The following ITPR1 variants were observed in gnomAD, a reference collection of about 807,000 sequenced individuals.
The protein encoded by ITPR1 is inositol 1,4,5-trisphosphate-gated calcium channel ITPR1.
In ITPR1, 96 loss-of-function variants were observed where a neutral mutation model predicts 318.4. The observed-to-expected ratio is 0.30, with a 90% CI of 0.26 to 0.36. The LOEUF (loss-of-function observed/expected upper bound fraction) is 0.36. ITPR1 is among the 10% of genes least tolerant of loss of function. The probability of loss-of-function intolerance (pLI) is 1.00; values close to 1 mark genes in which losing one functional copy is unlikely to be tolerated. For synonymous variants in ITPR1, 1,312 were observed against 1,289.9 expected (o/e 1.02, Z -0.37); for missense variants, 2,440 against 3,460.2 (o/e 0.71, Z 7.40).
intron 4 of ITPR1, among the ~76,000 whole-genome samples, chr3:4,608,869 G>A (rs1462524848): frequency 6.6e-6 from 1 of 151,280 alleles, no homozygotes; most frequent in African/African-American, 2.4e-5. Flanking sequence ...TGGTGTGGTG[G>A]CACACGCCGG....
chr3:4,753,831 A>G (rs1448603340), intron 44 of ITPR1, among the ~76,000 whole-genome samples: 1 of 152,026 alleles, frequency 6.6e-6, no homozygotes, highest in East Asian at 1.9e-4. Context: ...GCGGGCTCTC[A>G]CCTGTTTTCT....
chr3:4,727,241 A>C (rs1289546587), intron 42 of ITPR1, 68 bp downstream of exon 42: 1 of 1,150,156 alleles, frequency 8.7e-7, no homozygotes, highest in African/African-American at 1.5e-5. Flanking sequence ...CATCAGCCAC[A>C]CACTGTGATT....
At chr3:4,817,478 C>T (rs1027609522) in intron 59 of ITPR1, 1 of 152,200 alleles carries the variant, frequency 6.6e-6, no homozygotes, top group South Asian at 2.1e-4. Context: ...TTCTCCCTTT[C>T]TCTATTTGTG....
chr3:4,574,762 G>A (rs968371345), intron 4 of ITPR1, among the ~76,000 whole-genome samples: 2 of 152,250 alleles, frequency 1.3e-5, no homozygotes, highest in Non-Finnish European at 2.9e-5. Context: ...CAGTGATAAT[G>A]TCATGGGATT....
intron 4 of ITPR1, among the ~76,000 whole-genome samples, chr3:4,599,350 T>A (rs2091095735): frequency 6.6e-6 from 1 of 152,224 alleles, no homozygotes; most frequent in South Asian, 2.1e-4. Flanking sequence ...GCACAGTGTT[T>A]TAAAATCTGA....
At chr3:4,600,362 A>G (rs547735238) in intron 4 of ITPR1, among the ~76,000 whole-genome samples, 1 of 152,106 alleles carries the variant, frequency 6.6e-6, no homozygotes, top group African/African-American at 2.4e-5. Flanking sequence ...CTGTGATTCT[A>G]AGGAGATTCC....
intron 44 of ITPR1, among the ~76,000 whole-genome samples, chr3:4,761,434 C>T (rs183167275): frequency 3.9e-5 from 6 of 152,308 alleles, no homozygotes; most frequent in Admixed American, 3.9e-4. Context: ...CTGCAGAGGA[C>T]CTGATCTCAG....
chr3:4,827,955 C>T (rs1209062461), intron 60 of ITPR1, among the ~76,000 whole-genome samples: 1 of 151,758 alleles, frequency 6.6e-6, no homozygotes, highest in Non-Finnish European at 1.5e-5. Flanking sequence ...CTGTAGATGG[C>T]GAGACGGATA....
chr3:4,559,601 G>A, intron 4 of ITPR1, among the ~76,000 whole-genome samples: 1 of 152,188 alleles, frequency 6.6e-6, no homozygotes, highest in Admixed American at 6.5e-5. Flanking sequence ...TCTAATCAGA[G>A]AGGGCAGTTT....
At chr3:4,647,341 A>G (rs145797722) in intron 10 of ITPR1, among the ~76,000 whole-genome samples, 3 of 152,218 alleles carry the variant, frequency 2.0e-5, no homozygotes, top group South Asian at 2.1e-4. Flanking sequence ...GGCTATTTCA[A>G]ATAAAGCTTC....
chr3:4,819,463 C>G (rs2049534929), intron 60 of ITPR1, among the ~76,000 whole-genome samples: 1 of 152,180 alleles, frequency 6.6e-6, no homozygotes. Flanking sequence ...AACAACCTTC[C>G]AGGAGATGCC....
At position 4,768,592 on chromosome 3, in the gene ITPR1, C is replaced by T. The variant is rs775712655; in HGVS notation, c.5807C>T (p.Thr1936Ile). ...EASAATRKAF[T>I]TFRREADPDD... ...TCCGCTGCCACCAGGAAAGCCTTCA[C>T]CACTTTCAGGAGGGAGGCTGATCCC... Residue 1936 changes from threonine (T) to isoleucine (I), a missense_variant, in exon 46 of 62, where the codon ACC becomes ATC. Transcript: ENST00000649015. 9 of 1,614,022 alleles carry T rather than the reference C, an allele frequency of 5.6e-6. No homozygotes were observed. Among genetic ancestry groups the T allele is most frequent in the Non-Finnish European group, 7.6e-6 (9 of 1,179,880 alleles).
chr3:4,655,446 C>T (rs1317690065), intron 12 of ITPR1, among the ~76,000 whole-genome samples: 1 of 152,180 alleles, frequency 6.6e-6, no homozygotes, highest in Non-Finnish European at 1.5e-5. Context: ...TTATGAGCTG[C>T]TGTGTGACCT....
At chr3:4,798,689 T>C (rs150431764) in intron 53 of ITPR1, among the ~76,000 whole-genome samples, 2 of 152,360 alleles carry the variant, frequency 1.3e-5, no homozygotes, top group African/African-American at 4.8e-5. Context: ...AACTGGAAAC[T>C]CATTGATTGT....
intron 12 of ITPR1, among the ~76,000 whole-genome samples, chr3:4,657,435 G>C (rs2093737708): frequency 1.4e-5 from 2 of 144,426 alleles, no homozygotes; most frequent in Non-Finnish European, 3.0e-5. Flanking sequence ...TCCTTCCACG[G>C]TCATCTCTTA....
At chr3:4,736,388 G>T (rs1040371368) in intron 44 of ITPR1, among the ~76,000 whole-genome samples, 5 of 152,218 alleles carry the variant, frequency 3.3e-5, no homozygotes, top group African/African-American at 1.2e-4. Context: ...CCCGGCCAGG[G>T]TGCCTGGCTT....
rs2094540776 is a variant in ITPR1 at position 4,695,328 on chromosome 3, A to G, written c.4281+1587A>G. Reference sequence around the variant, plus strand: ...TTCACTTGTTATGGATAAAGAAGGTAGAGTTATAACTAGTATTAGGGATGA... The same window carrying G: ...TTCACTTGTTATGGATAAAGAAGGTGGAGTTATAACTAGTATTAGGGATGA... On this transcript the variant is annotated intron_variant, in intron 33 of 61. Transcript: ENST00000649015. 2.0e-5 allele frequency among the ~76,000 whole-genome samples: 3 copies of G among 152,368 alleles called. 1 individual carries two copies. Among genetic ancestry groups the G allele is most frequent in the Middle Eastern group, 6.8e-3 (2 of 294 alleles).
intron 37 of ITPR1, among the ~76,000 whole-genome samples, chr3:4,709,667 TTC>T (rs1345945795): frequency 6.6e-6 from 1 of 152,250 alleles, no homozygotes; most frequent in Non-Finnish European, 1.5e-5. Flanking sequence ...CTCTTTCAAC[TTC>T]TCTCTGTTTT....
At chr3:4,825,729 A>T (rs1451843876) in intron 60 of ITPR1, 4 of 456,684 alleles carry the variant, frequency 8.8e-6, no homozygotes, top group Non-Finnish European at 1.8e-5. Context: ...TAAAAGGGGA[A>T]CTGGCTGAAG....
Sources: allele counts gnomAD v4.1 joint callset (sites outside exome capture counted in the v4.1 genomes callset), GRCh38; gene constraint gnomAD v4.1.1; transcripts MANE v1.5; gene names NCBI Gene and HGNC (gene_info 2026-07-23, HGNC 2026-07-21).